The following EXOC6B variants were observed in gnomAD, a reference collection of about 807,000 sequenced individuals.
EXOC6B encodes SEC15 homolog B.
Under a neutral mutation model 113.5 loss-of-function variants are expected in EXOC6B, and 54 were observed. The ratio of observed to expected loss-of-function variants is 0.48; its 90% confidence interval spans 0.38 to 0.60. The LOEUF (loss-of-function observed/expected upper bound fraction) is 0.60. Among genes scored for constraint, EXOC6B ranks in the 20% least tolerant of loss-of-function variants. The pLI is 0.00. For synonymous variants in EXOC6B, 357 were observed against 339.0 expected, an observed-to-expected ratio of 1.05 and a Z score of -0.58; for missense variants, 797 against 977.5, an observed-to-expected ratio of 0.82 and a Z score of 2.46.
At chr2:72,771,976 A>C (rs1260976610) in intron 1 of EXOC6B, among the ~76,000 whole-genome samples, 1 of 152,208 alleles carries the variant, frequency 6.6e-6, no homozygotes, top group African/African-American at 2.4e-5. Flanking sequence ...CCTTCACAGA[A>C]ACATCAGTTT....
intron 6 of EXOC6B, among the ~76,000 whole-genome samples, chr2:72,607,681 T>C (rs953808227): frequency 6.6e-6 from 1 of 152,148 alleles, no homozygotes; most frequent in Non-Finnish European, 1.5e-5. Flanking sequence ...GGGGTTTACA[T>C]GGTAATTGAA....
At chr2:72,499,157 A>T (rs1221912128) in intron 12 of EXOC6B, among the ~76,000 whole-genome samples, 11 of 152,126 alleles carry the variant, frequency 7.2e-5, no homozygotes. Context: ...TAAAAGAGAT[A>T]AAAAGACCTA....
intron 20 of EXOC6B, among the ~76,000 whole-genome samples, chr2:72,311,035 CCT>C (rs981911783): frequency 1.2e-4 from 18 of 152,134 alleles, no homozygotes; most frequent in Non-Finnish European, 2.5e-4. Flanking sequence ...ACACTCTTTT[CCT>C]CTCTTCTATA....
chr2:72,723,563 A>C (rs753361076), intron 5 of EXOC6B, among the ~76,000 whole-genome samples: 1 of 152,300 alleles, frequency 6.6e-6, no homozygotes, highest in East Asian at 1.9e-4. Flanking sequence ...TTTAAAATTC[A>C]GAGTATGATA....
rs151277989 is a variant in EXOC6B at position 72,496,362 on chromosome 2, T to C, written c.1443+92A>G. 1.1e-3 allele frequency: 798 copies of C among 737,252 alleles called. 6 individuals are homozygous for C. In the African/African-American group the frequency reaches 0.013, roughly 12 times the overall value. 45.7% of individuals were successfully genotyped at this position (737,252 alleles called of 1,614,324 possible). ...GTTTTAGAGTTCTAACCCATTGAGTTAAAGGTAATGCTTTCAATCAAACTG... is the reference window on the plus strand; with the variant it reads ...GTTTTAGAGTTCTAACCCATTGAGTCAAAGGTAATGCTTTCAATCAAACTG... On this transcript the variant is annotated intron_variant, in intron 14 of 21. Transcript: ENST00000272427.
At chr2:72,267,656 G>T (rs1305691588) in intron 20 of EXOC6B, among the ~76,000 whole-genome samples, 1 of 152,156 alleles carries the variant, frequency 6.6e-6, no homozygotes, top group East Asian at 1.9e-4. Flanking sequence ...GATTCGGTCT[G>T]CCAGTATTTT....
intron 11 of EXOC6B, among the ~76,000 whole-genome samples, chr2:72,504,559 A>G (rs1014915269): frequency 3.9e-5 from 6 of 152,178 alleles, no homozygotes; most frequent in Non-Finnish European, 7.4e-5. Flanking sequence ...ACTGATGGAC[A>G]TTTAAGTCAT....
chr2:72,581,116 T>C (rs999451764), intron 6 of EXOC6B, among the ~76,000 whole-genome samples: 2 of 152,200 alleles, frequency 1.3e-5, no homozygotes, highest in Non-Finnish European at 2.9e-5. Flanking sequence ...TTGTTTAGTG[T>C]CTGAAGCCCA....
intron 8 of EXOC6B, among the ~76,000 whole-genome samples, chr2:72,552,967 T>C (rs1479383082): frequency 6.6e-6 from 1 of 151,948 alleles, no homozygotes; most frequent in Non-Finnish European, 1.5e-5. Flanking sequence ...AGAGTCTTAC[T>C]ATCACCTTAC....
chr2:72,761,787 T>G (rs1273428336), intron 1 of EXOC6B, among the ~76,000 whole-genome samples: 1 of 151,842 alleles, frequency 6.6e-6, no homozygotes, highest in Admixed American at 6.6e-5. Context: ...AGTAAGGAAA[T>G]ATATAAGAAA....
At chr2:72,191,579 C>T (rs1318261037) in intron 20 of EXOC6B, among the ~76,000 whole-genome samples, 2 of 152,074 alleles carry the variant, frequency 1.3e-5, no homozygotes, top group African/African-American at 4.8e-5. Flanking sequence ...TGAGACTAGG[C>T]CAAATTTCTG....
chr2:72,603,300 G>C (rs1411455905), intron 6 of EXOC6B, among the ~76,000 whole-genome samples: 1 of 151,998 alleles, frequency 6.6e-6, no homozygotes. Context: ...ACTTTTAAAA[G>C]ATGGAAGTAC....
At chr2:72,684,872 A>G (rs183077810) in intron 6 of EXOC6B, among the ~76,000 whole-genome samples, 10 of 152,296 alleles carry the variant, frequency 6.6e-5, no homozygotes, top group Admixed American at 2.0e-4. Flanking sequence ...GTAATGTTCT[A>G]TAACTATTAA....
In EXOC6B at chr2:72,708,418, C is replaced by T. The variant is rs116173397; in HGVS notation, c.669+9685G>A. On this transcript the variant is annotated intron_variant, in intron 6 of 21. Transcript: ENST00000272427. ...ATTTACATTTGTGTACACAGTTATACGAGTTTTGACAAATGCATACAGTTG... is the reference window on the plus strand; with the variant it reads ...ATTTACATTTGTGTACACAGTTATATGAGTTTTGACAAATGCATACAGTTG... 5.0e-3 allele frequency among the ~76,000 whole-genome samples: 763 copies of T among 152,218 alleles called. 5 individuals are homozygous for T. The highest frequency in any genetic ancestry group is 0.017 in the African/African-American group (701 of 41,518).
intron 8 of EXOC6B, among the ~76,000 whole-genome samples, chr2:72,535,132 C>CT (rs1437318107): frequency 6.6e-6 from 1 of 152,162 alleles, no homozygotes; most frequent in Non-Finnish European, 1.5e-5. Context: ...AACACATACT[C>CT]TTTAAGAACA....
chr2:72,302,475 A>T (rs1686590165), intron 20 of EXOC6B, among the ~76,000 whole-genome samples: 1 of 152,038 alleles, frequency 6.6e-6, no homozygotes, highest in South Asian at 2.1e-4. Flanking sequence ...CTCTTTGTAG[A>T]TCTCTAAGAA....
intron 20 of EXOC6B, among the ~76,000 whole-genome samples, chr2:72,237,603 T>A (rs1357367354): frequency 6.6e-6 from 1 of 152,222 alleles, no homozygotes; most frequent in East Asian, 1.9e-4. Context: ...TGAATTTAAA[T>A]GTGTTACAGA....
chr2:72,601,131 T>C (rs1431535076), intron 6 of EXOC6B, among the ~76,000 whole-genome samples: 47 of 10,660 alleles, frequency 4.4e-3, no homozygotes, highest in Non-Finnish European at 0.01. Context: ...TGTATGTGTG[T>C]GTGTGTGTGT....
intron 6 of EXOC6B, among the ~76,000 whole-genome samples, chr2:72,710,431 G>A (rs973994816): frequency 6.6e-6 from 1 of 151,828 alleles, no homozygotes; most frequent in African/African-American, 2.4e-5. Flanking sequence ...AAAAAAAAAT[G>A]TTTAAAAATG....
Sources: allele counts gnomAD v4.1 joint callset (sites outside exome capture counted in the v4.1 genomes callset), GRCh38; gene constraint gnomAD v4.1.1; transcripts MANE v1.5; gene names NCBI Gene and HGNC (gene_info 2026-07-23, HGNC 2026-07-21).